The following ANKRD36C variants were observed in gnomAD, a reference collection of about 807,000 sequenced individuals.
ANKRD36C encodes ankyrin repeat domain-containing protein 36C.
ANKRD36C carries 61 observed loss-of-function variants against 276.4 expected under a neutral mutation model. That is an observed-to-expected ratio of 0.22 (90% confidence interval 0.18 to 0.27). The LOEUF (loss-of-function observed/expected upper bound fraction) is 0.27, where lower values mean the gene tolerates loss of function less well. Among genes scored for constraint, ANKRD36C ranks in the 10% least tolerant of loss-of-function variants. ANKRD36C has a pLI of 1.00. For synonymous variants in ANKRD36C, 483 were observed against 680.1 expected (o/e 0.71, Z 4.51); for missense variants, 1,447 against 2,032.3 (o/e 0.71, Z 5.54).
chr2:95,985,885 A>T (rs544970075), intron 3 of ANKRD36C, among the ~76,000 whole-genome samples: 96 of 152,190 alleles, frequency 6.3e-4, no homozygotes, highest in Non-Finnish European at 2.9e-5. Context: ...CCACCTGCCC[A>T]TCAAGACATT....
rs759753052 is a variant in ANKRD36C at position 95,851,196 on chromosome 2, C to G, written c.5314-1G>C. The G allele has an allele frequency of 3.7e-5, 57 of 1,536,496 alleles. No individual in the cohort carries two copies. The highest frequency in any genetic ancestry group is 4.9e-5 in the Non-Finnish European group (55 of 1,130,828). On this transcript the variant is annotated splice_acceptor_variant, in intron 66 of 66. Transcript: ENST00000456556. LOFTEE classifies it high-confidence loss of function. ...TCTAGCTCTCAAACACCTGCAGCAT[C>G]TGAAATAAATCAAATATTACTTATA...
intron 44 of ANKRD36C, 65 bp from the exon 63 acceptor site, chr2:95,893,789 T>C (rs1676449002): frequency 1.9e-6 from 3 of 1,600,090 alleles, no homozygotes; most frequent in South Asian, 2.2e-5. Flanking sequence ...CATAGATTCA[T>C]GCAGAGTTAG....
chr2:95,914,490 A>C (rs1257073504), intron 38 of ANKRD36C, among the ~76,000 whole-genome samples, 187 bp from the exon 41 acceptor site: 1 of 151,456 alleles, frequency 6.6e-6, no homozygotes, highest in Non-Finnish European at 1.5e-5. Flanking sequence ...TACAGGCTCC[A>C]TGAAATATAG....
Position 95,912,535 on chromosome 2 carries a change from T to G in ANKRD36C, c.2552-100A>C. On this transcript the variant is annotated intron_variant, in intron 40 of 66. Coordinates refer to ENST00000456556, the Ensembl canonical transcript of ANKRD36C. ...GCATCAACCTCTGACCTCCTGCCTG[T>G]ATTAGTGGAGGCTTTGATGGCTTCT... The G allele has an allele frequency of 1.9e-6, 3 of 1,576,410 alleles. No homozygotes were observed. The South Asian group carries it at 3.4e-5, about 18-fold the overall frequency.
At chr2:95,911,149 A>G (rs1676909838) in intron 42 of ANKRD36C, among the ~76,000 whole-genome samples, 1 of 151,424 alleles carries the variant, frequency 6.6e-6, no homozygotes. Context: ...TATCTCTCAC[A>G]CCCATGTGGT....
chr2:95,970,037 T>C (rs1678668489), intron 6 of ANKRD36C, among the ~76,000 whole-genome samples: 1 of 152,190 alleles, frequency 6.6e-6, no homozygotes, highest in Admixed American at 6.6e-5. Flanking sequence ...TGTACTTATT[T>C]TGTTGAAACA....
exon 30 of ANKRD36C, chr2:95,925,406 C>T: frequency 6.4e-7 from 1 of 1,560,670 alleles, no homozygotes; most frequent in Non-Finnish European, 8.7e-7. Context: ...AAAAGAGAAA[C>T]TTTCTTTTTA....
rs1472145101 is a variant in ANKRD36C, at chr2:95,964,007, ATATATATGTGTGTG to A, written c.800-1474_800-1461del. On this transcript the variant is annotated intron_variant, in intron 6 of 66. Coordinates refer to ENST00000456556, the Ensembl canonical transcript of ANKRD36C. ...TATATATATATATATATATATATATATATATATGTGTGTGTGTGTCATGATTGCCAAGAATATTG... is the reference window on the plus strand; with the variant it reads ...TATATATATATATATATATATATATATGTGTCATGATTGCCAAGAATATTG... 6.2e-3 allele frequency among the ~76,000 whole-genome samples: 169 copies of A among 27,412 alleles called. 2 individuals are homozygous for A. The East Asian group carries it at 0.12, about 19-fold the overall frequency. 18.0% of individuals were successfully genotyped at this position (27,412 alleles called of 152,430 possible). A position where few individuals can be genotyped will look rare whatever the true frequency, so the allele number is the denominator to read the frequency against.
intron 6 of ANKRD36C, among the ~76,000 whole-genome samples, chr2:95,967,088 T>A (rs1195222936): frequency 6.6e-6 from 1 of 152,216 alleles, no homozygotes; most frequent in African/African-American, 2.4e-5. Context: ...TATACCATCA[T>A]GTCATCTGCA....
chr2:95,892,639 A>C (rs1002461201), intron 44 of ANKRD36C, among the ~76,000 whole-genome samples: 2 of 151,566 alleles, frequency 1.3e-5, no homozygotes, highest in African/African-American at 4.8e-5. Flanking sequence ...TTCAGAAATC[A>C]CTGCAATATT....
chr2:95,966,821 G>A (rs914222044), intron 6 of ANKRD36C, among the ~76,000 whole-genome samples: 48 of 152,124 alleles, frequency 3.2e-4, no homozygotes, highest in African/African-American at 9.9e-4. Flanking sequence ...CCATTTGTTT[G>A]TGTCCTCTTA....
At chr2:95,983,761 C>A (rs1370681154) in intron 3 of ANKRD36C, among the ~76,000 whole-genome samples, 7 of 151,470 alleles carry the variant, frequency 4.6e-5, no homozygotes, top group African/African-American at 7.3e-5. Flanking sequence ...GGACTACAGG[C>A]GTGTGCCACC....
intron 3 of ANKRD36C, among the ~76,000 whole-genome samples, chr2:95,983,292 T>C (rs1201553639): frequency 6.6e-6 from 1 of 151,844 alleles, no homozygotes; most frequent in African/African-American, 2.4e-5. Context: ...GGGTTTTCTC[T>C]AGTAATATTT....
In ANKRD36C at chr2:95,879,588, A is replaced by G. The variant is rs1480828028; in HGVS notation, c.3469+839T>C. Among the ~76,000 whole-genome samples, 8 of 152,292 alleles carry G rather than the reference A, an allele frequency of 5.3e-5. 1 individual carries two copies. Among genetic ancestry groups the G allele is most frequent in the African/African-American group, 1.9e-4 (8 of 41,574 alleles). ...AAACATAAACACCTACAATTTACTC[A>G]TTAAAATTAAAAACAAAAAAATAAA... On this transcript the variant is annotated intron_variant, in intron 58 of 66. Coordinates refer to ENST00000456556, the Ensembl canonical transcript of ANKRD36C.
intron 44 of ANKRD36C, among the ~76,000 whole-genome samples, chr2:95,896,792 C>A (rs1676563755): frequency 2.0e-5 from 3 of 149,650 alleles, no homozygotes; most frequent in Admixed American, 1.3e-4. Flanking sequence ...TTCCTCTTTT[C>A]ACACCTTCCT....
At chr2:95,858,456 A>G (rs1365198467) in intron 61 of ANKRD36C, among the ~76,000 whole-genome samples, 3 of 152,214 alleles carry the variant, frequency 2.0e-5, no homozygotes, top group Non-Finnish European at 4.4e-5. Flanking sequence ...AGTTTCTATT[A>G]CTAGTAACTC....
At chr2:95,928,853 C>T (rs559981711) in intron 26 of ANKRD36C, among the ~76,000 whole-genome samples, 80 of 151,574 alleles carry the variant, frequency 5.3e-4, no homozygotes, top group Admixed American at 6.6e-4. Flanking sequence ...GGTTCTTCTT[C>T]CCAATTTCAA....
At chr2:95,952,239 T>C (rs1384825615) in intron 14 of ANKRD36C, among the ~76,000 whole-genome samples, 1 of 152,312 alleles carries the variant, frequency 6.6e-6, no homozygotes, top group Non-Finnish European at 1.5e-5. Context: ...TCATAATATA[T>C]GCCTAATAAT....
rs1164163440 is a variant in ANKRD36C, at chr2:95,867,513, C to T, written c.3609G>A (p.Glu1203=). The T allele has an allele frequency of 2.1e-6, 3 of 1,432,510 alleles. No individual in the cohort carries two copies. The Admixed American group carries it at 6.1e-5, about 29-fold the overall frequency. The allele number at this position is 1,432,510 out of a possible 1,614,324, so 88.7% of individuals were successfully genotyped here. ...AATTACAGCAAAGCGAGTCACCGTCCTCTGAGACTGTTTGAGATGACTGAA... is the reference window on the plus strand; with the variant it reads ...AATTACAGCAAAGCGAGTCACCGTCTTCTGAGACTGTTTGAGATGACTGAA... Residue 1203 remains glutamate, a synonymous_variant, in exon 60 of 67, where the codon GAG becomes GAA. Coordinates refer to ENST00000456556, the Ensembl canonical transcript of ANKRD36C.
Sources: gnomAD v4.1 joint callset for allele counts (sites outside exome capture counted in the v4.1 genomes callset) on GRCh38, gnomAD v4.1.1 for gene constraint, MANE v1.5 for transcripts, NCBI Gene and HGNC (gene_info 2026-07-23, HGNC 2026-07-21) for gene names.